The following KIAA0825 variants were observed in gnomAD, a reference collection of about 807,000 sequenced individuals.
KIAA0825 encodes KIAA0825.
Under a neutral mutation model 147.6 loss-of-function variants are expected in KIAA0825, and 119 were observed. The observed-to-expected ratio is 0.81, with a 90% CI of 0.69 to 0.94. The LOEUF (loss-of-function observed/expected upper bound fraction) is 0.94, where lower values mean the gene tolerates loss of function less well. KIAA0825 is among the 40% of genes least tolerant of loss of function. KIAA0825 has a pLI of 0.00. For synonymous variants in KIAA0825, 470 were observed against 518.1 expected, an observed-to-expected ratio of 0.91 and a Z score of 1.26; for missense variants, 1,381 against 1,472.7, an observed-to-expected ratio of 0.94 and a Z score of 1.02.
At chr5:94,519,482 T>C (rs868587624) in intron 5 of KIAA0825, 1 of 789,404 alleles carries the variant, frequency 1.3e-6, no homozygotes. Context: ...GAAAAGTTTA[T>C]TATATCACAA....
chr5:94,552,197 G>A (rs1370144794), intron 2 of KIAA0825, among the ~76,000 whole-genome samples: 1 of 151,996 alleles, frequency 6.6e-6, no homozygotes, highest in East Asian at 1.9e-4. Context: ...AATAATAAAG[G>A]GATCGGTTTA....
chr5:94,444,946 C>T (rs1403507029), intron 13 of KIAA0825, among the ~76,000 whole-genome samples: 1 of 151,980 alleles, frequency 6.6e-6, no homozygotes. Context: ...ACTCACAGTT[C>T]GCATGGCTGG....
rs1032939760 is a variant in KIAA0825, at chr5:94,403,755, A to G, written c.2701T>C (p.Cys901Arg). Reference protein sequence around the residue: ...CVEYELEVIRCLRLALTDAIK... With the variant: ...CVEYELEVIRRLRLALTDAIK... ...GCATCGGTCAGTGCCAGTCTCAAGCATCGGATGACCTCTAGCTCGTACTCC... is the reference window on the plus strand; with the variant it reads ...GCATCGGTCAGTGCCAGTCTCAAGCGTCGGATGACCTCTAGCTCGTACTCC... Residue 901 changes from cysteine to arginine, a missense_variant, in exon 16 of 21, where the codon TGC becomes CGC. By Grantham distance (180) the Cys-to-Arg change is radical (BLOSUM62 -3). Transcript: ENST00000682413. 1.9e-6 allele frequency: 3 copies of G among 1,551,556 alleles called. No homozygotes were observed. Among genetic ancestry groups the G allele is most frequent in the Non-Finnish European group, 2.6e-6 (3 of 1,146,888 alleles).
At chr5:94,479,327 CAT>C (rs1166218078) in intron 6 of KIAA0825, among the ~76,000 whole-genome samples, 1 of 152,110 alleles carries the variant, frequency 6.6e-6, no homozygotes, top group African/African-American at 2.4e-5. Flanking sequence ...TTCATAATGT[CAT>C]ATAGTTGGAA....
chr5:94,341,007 T>G (rs1316604016), intron 20 of KIAA0825, among the ~76,000 whole-genome samples: 2 of 152,094 alleles, frequency 1.3e-5, no homozygotes, highest in Non-Finnish European at 2.9e-5. Context: ...CCCTGATGAT[T>G]TTAGTGTGGT....
chr5:94,576,285 C>T (rs925803694), intron 2 of KIAA0825, among the ~76,000 whole-genome samples: 2 of 152,070 alleles, frequency 1.3e-5, no homozygotes, highest in African/African-American at 4.8e-5. Flanking sequence ...ATATTTGTCC[C>T]CTCCAACACT....
intron 20 of KIAA0825, among the ~76,000 whole-genome samples, chr5:94,182,950 T>C (rs185353253): frequency 6.0e-4 from 92 of 152,232 alleles, no homozygotes; most frequent in African/African-American, 2.1e-3. Context: ...GTAATTATGG[T>C]TTTTCTTGTA....
chr5:94,533,427 C>A (rs1771310945), intron 3 of KIAA0825, among the ~76,000 whole-genome samples: 1 of 151,882 alleles, frequency 6.6e-6, no homozygotes, highest in Non-Finnish European at 1.5e-5. Flanking sequence ...CAGGTGTGCA[C>A]CACCACGCCC....
intron 20 of KIAA0825, among the ~76,000 whole-genome samples, chr5:94,324,097 G>T (rs1460716846): frequency 6.6e-6 from 1 of 151,920 alleles, no homozygotes; most frequent in Admixed American, 6.6e-5. Context: ...GTCTTTCGTG[G>T]CATTATATTG....
chr5:94,175,522 C>A (rs761662145), intron 20 of KIAA0825, among the ~76,000 whole-genome samples: 1 of 152,166 alleles, frequency 6.6e-6, no homozygotes, highest in African/African-American at 2.4e-5. Context: ...CACAACTACT[C>A]AGTATCTTGG....
intron 10 of KIAA0825, among the ~76,000 whole-genome samples, chr5:94,469,674 G>A (rs950786100): frequency 2.6e-5 from 4 of 152,116 alleles, no homozygotes; most frequent in Non-Finnish European, 5.9e-5. Flanking sequence ...TTATCTCTTT[G>A]AGTTTTCATT....
intron 20 of KIAA0825, among the ~76,000 whole-genome samples, chr5:94,219,344 G>A (rs1773483726): frequency 1.3e-5 from 2 of 152,054 alleles, no homozygotes; most frequent in Admixed American, 6.6e-5. Context: ...AGGAGGTGGA[G>A]CTCAGGTTCA....
At chr5:94,533,584 T>G (rs78671494) in intron 3 of KIAA0825, among the ~76,000 whole-genome samples, 4 of 152,262 alleles carry the variant, frequency 2.6e-5, no homozygotes, top group South Asian at 4.1e-4. Context: ...CTATGCTGTG[T>G]CATATTGTGA....
intron 20 of KIAA0825, among the ~76,000 whole-genome samples, chr5:94,356,799 A>ACTGCAACCT (rs1784332141): frequency 7.5e-6 from 1 of 132,632 alleles, no homozygotes; most frequent in African/African-American, 2.9e-5. Context: ...ATCTTGGCTC[A>ACTGCAACCT]CTGCAACCTC....
intron 2 of KIAA0825, among the ~76,000 whole-genome samples, chr5:94,561,382 C>T (rs912517191): frequency 2.0e-5 from 3 of 152,162 alleles, no homozygotes; most frequent in South Asian, 2.1e-4. Context: ...CCCTGAGTTC[C>T]GTGCATCATT....
intron 20 of KIAA0825, among the ~76,000 whole-genome samples, chr5:94,264,839 G>A (rs1309134282): frequency 6.7e-6 from 1 of 149,152 alleles, no homozygotes; most frequent in Non-Finnish European, 1.5e-5. Flanking sequence ...CTGGAGTGCA[G>A]TGGCATGACC....
intron 3 of KIAA0825, among the ~76,000 whole-genome samples, chr5:94,529,565 G>C (rs1379194497): frequency 6.6e-6 from 1 of 151,518 alleles, no homozygotes; most frequent in Non-Finnish European, 1.5e-5. Flanking sequence ...ATACATACAT[G>C]TTTATGTAGA....
chr5:94,481,345 T>C (rs1762478592), intron 6 of KIAA0825, among the ~76,000 whole-genome samples: 1 of 152,104 alleles, frequency 6.6e-6, no homozygotes, highest in Admixed American at 6.6e-5. Flanking sequence ...CCCTGTGACA[T>C]CCACTTTCAC....
At chr5:94,566,490 TTA>T (rs1269690526) in intron 2 of KIAA0825, among the ~76,000 whole-genome samples, 3 of 152,126 alleles carry the variant, frequency 2.0e-5, no homozygotes, top group Non-Finnish European at 2.9e-5. Context: ...TTCAAAAAAT[TTA>T]TATCTTTGCT....
Sources: gnomAD v4.1 joint callset for allele counts (sites outside exome capture counted in the v4.1 genomes callset) on GRCh38, gnomAD v4.1.1 for gene constraint, MANE v1.5 for transcripts, NCBI Gene and HGNC (gene_info 2026-07-23, HGNC 2026-07-21) for gene names.